The following CHRM3 variants were observed in gnomAD, a reference collection of about 807,000 sequenced individuals.
CHRM3 encodes the protein cholinergic receptor muscarinic 3, also known as muscarinic acetylcholine receptor M3.
In CHRM3, 11 loss-of-function variants were observed where a neutral mutation model predicts 41.8. The ratio of observed to expected loss-of-function variants is 0.26; its 90% CI spans 0.17 to 0.44. CHRM3 has a LOEUF of 0.44. Among genes scored for constraint, CHRM3 ranks in the 20% least tolerant of loss-of-function variants. The probability of loss-of-function intolerance (pLI) is 1.00; values close to 1 mark genes in which losing one functional copy is unlikely to be tolerated. For missense variants in CHRM3, 571 were observed against 745.4 expected (o/e 0.77, Z 2.72); for synonymous variants, 297 against 301.4 (o/e 0.99, Z 0.15).
chr1:239,407,116 G>T (rs780075774), intron 1 of CHRM3, among the ~76,000 whole-genome samples: 5 of 152,104 alleles, frequency 3.3e-5, no homozygotes, highest in Admixed American at 6.6e-5. Context: ...CTGCCTCAGA[G>T]CCTTTACACT....
At chr1:239,848,092 T>C (rs1187951617) in intron 6 of CHRM3, among the ~76,000 whole-genome samples, 1 of 152,162 alleles carries the variant, frequency 6.6e-6, no homozygotes, top group Non-Finnish European at 1.5e-5. Flanking sequence ...AAGGCTTTCA[T>C]GCATACATTT....
chr1:239,684,748 G>GAAAGAAAGAA (rs1553363709), intron 5 of CHRM3, among the ~76,000 whole-genome samples: 17 of 107,804 alleles, frequency 1.6e-4, no homozygotes, highest in African/African-American at 5.2e-4. Context: ...GAGAAAGAAA[G>GAAAGAAAGAA]AGAAAGAAAG....
At chr1:239,686,615 C>A (rs1659174946) in intron 5 of CHRM3, among the ~76,000 whole-genome samples, 1 of 152,186 alleles carries the variant, frequency 6.6e-6, no homozygotes, top group Non-Finnish European at 1.5e-5. Flanking sequence ...TGCTACTCCT[C>A]AGACTGTGAG....
At chr1:239,741,622 A>G (rs1178726168) in intron 5 of CHRM3, among the ~76,000 whole-genome samples, 1 of 152,162 alleles carries the variant, frequency 6.6e-6, no homozygotes, top group Admixed American at 6.6e-5. Context: ...GAACAAATAA[A>G]TGAAAGGATT....
At chr1:239,870,044 CA>C (rs539097532) in intron 6 of CHRM3, among the ~76,000 whole-genome samples, 29 of 152,282 alleles carry the variant, frequency 1.9e-4, no homozygotes, top group Middle Eastern at 3.4e-3. Flanking sequence ...GACCGTTCTG[CA>C]ATTCTTATGA....
intron 4 of CHRM3, among the ~76,000 whole-genome samples, chr1:239,640,861 G>C (rs533604707): frequency 6.8e-6 from 1 of 146,726 alleles, no homozygotes; most frequent in Non-Finnish European, 1.5e-5. Flanking sequence ...TGATGTTAGG[G>C]TGTCAATTTT....
At chr1:239,759,489 CAA>C (rs911179723) in intron 5 of CHRM3, among the ~76,000 whole-genome samples, 1 of 151,944 alleles carries the variant, frequency 6.6e-6, no homozygotes, top group African/African-American at 2.4e-5. Context: ...AACCACAAAA[CAA>C]AAGAGGCTGG....
intron 1 of CHRM3, among the ~76,000 whole-genome samples, chr1:239,472,452 TA>T (rs1262774184): frequency 6.6e-6 from 1 of 152,198 alleles, no homozygotes; most frequent in Non-Finnish European, 1.5e-5. Flanking sequence ...TGTTCATTGT[TA>T]GCAAAAAGCA....
intron 1 of CHRM3, among the ~76,000 whole-genome samples, chr1:239,472,347 C>T (rs1205058599): frequency 6.6e-6 from 1 of 152,124 alleles, no homozygotes; most frequent in Non-Finnish European, 1.5e-5. Flanking sequence ...TAATATTGTA[C>T]ATTCGGTGAT....
intron 6 of CHRM3, among the ~76,000 whole-genome samples, chr1:239,850,864 G>A (rs1674649580): frequency 6.6e-6 from 1 of 152,146 alleles, no homozygotes; most frequent in South Asian, 2.1e-4. Context: ...ACAGAACTGT[G>A]AATCAATTAA....
At chr1:239,836,651 C>T (rs1673343276) in intron 6 of CHRM3, among the ~76,000 whole-genome samples, 1 of 152,104 alleles carries the variant, frequency 6.6e-6, no homozygotes, top group Non-Finnish European at 1.5e-5. Flanking sequence ...GTGCAGTAAT[C>T]AGTAACAAAA....
intron 5 of CHRM3, among the ~76,000 whole-genome samples, chr1:239,783,436 TAAGA>T (rs1192263040): frequency 1.3e-5 from 2 of 152,044 alleles, no homozygotes; most frequent in African/African-American, 4.8e-5. Context: ...AATAGAAGAC[TAAGA>T]AAGGTAAATT....
At chr1:239,572,226 T>C (rs953820826) in intron 3 of CHRM3, among the ~76,000 whole-genome samples, 3 of 152,172 alleles carry the variant, frequency 2.0e-5, no homozygotes, top group African/African-American at 7.2e-5. Flanking sequence ...CATGATGACA[T>C]TGAGGCCCAG....
chr1:239,546,660 C>G (rs1012807463), intron 3 of CHRM3: 1 of 152,198 alleles, frequency 6.6e-6, no homozygotes, highest in African/African-American at 2.4e-5. Context: ...TTCTCACACA[C>G]CCATGCACAC....
chr1:239,856,152 C>T lies in CHRM3; in HGVS notation c.-20+28774C>T, dbSNP rs202206762. Among the ~76,000 whole-genome samples the T allele has an allele frequency of 2.2e-4, 33 of 152,264 alleles. No individual in the cohort carries two copies. The East Asian group carries it at 5.8e-3, about 27-fold the overall frequency. On this transcript the variant is annotated intron_variant, in intron 6 of 6. Transcript: ENST00000676153. ...GTTCACATCTCTATCCCTTTCCCTC[C>T]ACCACACCAACTTATTTGTACAACC... is the stretch of plus-strand genomic sequence containing the variant.
At chr1:239,464,955 A>C (rs1466208517) in intron 1 of CHRM3, among the ~76,000 whole-genome samples, 1 of 152,202 alleles carries the variant, frequency 6.6e-6, no homozygotes, top group Non-Finnish European at 1.5e-5. Context: ...TGAAATATGC[A>C]GAATGGATAA....
chr1:239,686,243 T>G (rs1659138352), intron 5 of CHRM3, among the ~76,000 whole-genome samples: 1 of 152,232 alleles, frequency 6.6e-6, no homozygotes, highest in Admixed American at 6.5e-5. Context: ...TATAGGCGCT[T>G]TGTTCTATAA....
At chr1:239,711,848 T>C (rs979498142) in intron 5 of CHRM3, among the ~76,000 whole-genome samples, 2 of 151,932 alleles carry the variant, frequency 1.3e-5, no homozygotes, top group African/African-American at 4.8e-5. Context: ...ACCACCATAC[T>C]CTGCTAACTT....
intron 3 of CHRM3, among the ~76,000 whole-genome samples, chr1:239,591,173 G>A (rs1664104475): frequency 6.6e-6 from 1 of 152,184 alleles, no homozygotes; most frequent in Non-Finnish European, 1.5e-5. Context: ...GTTTTGACCA[G>A]CGGCTGTGCA....
Sources: gnomAD v4.1 joint callset for allele counts (sites outside exome capture counted in the v4.1 genomes callset) on GRCh38, gnomAD v4.1.1 for gene constraint, MANE v1.5 for transcripts, NCBI Gene and HGNC (gene_info 2026-07-23, HGNC 2026-07-21) for gene names.